RBFOX1: variants seen among roughly 807,000 people sequenced by gnomAD.
The protein encoded by RBFOX1 is RNA binding fox-1 homolog 1, also known as RNA binding protein fox-1 homolog 1.
In RBFOX1, 8 loss-of-function variants were observed where a neutral mutation model predicts 57.7. That is an observed-to-expected ratio of 0.14 (90% CI 0.08 to 0.25). RBFOX1 has a LOEUF of 0.25. RBFOX1 is among the 10% of genes least tolerant of loss of function. The pLI is 1.00. For missense variants in RBFOX1, 611 were observed against 548.5 expected (o/e 1.11, Z -1.14); for synonymous variants, 326 against 222.4 (o/e 1.47, Z -4.15).
intron 4 of RBFOX1, among the ~76,000 whole-genome samples, chr16:7,282,972 G>T (rs2095576848): frequency 6.6e-6 from 1 of 152,184 alleles, no homozygotes; most frequent in Non-Finnish European, 1.5e-5. Flanking sequence ...CTGTGTGTGT[G>T]TATCTCACAG....
chr16:6,668,884 C>G (rs1362759836), intron 3 of RBFOX1, among the ~76,000 whole-genome samples: 1 of 152,172 alleles, frequency 6.6e-6, no homozygotes, highest in African/African-American at 2.4e-5. Context: ...TTAGGAAATG[C>G]TTAATCAAGC....
intron 4 of RBFOX1, among the ~76,000 whole-genome samples, chr16:7,294,846 G>A (rs1005447145): frequency 6.6e-6 from 1 of 152,100 alleles, no homozygotes; most frequent in Non-Finnish European, 1.5e-5. Context: ...TGTTTGTATT[G>A]CATGGTTAAA....
At chr16:5,673,537 G>A (rs972136548) in intron 3 of RBFOX1, among the ~76,000 whole-genome samples, 2 of 152,164 alleles carry the variant, frequency 1.3e-5, no homozygotes, top group African/African-American at 2.4e-5. Context: ...AAAGGTTGAC[G>A]TCAGTGTCAC....
chr16:5,468,999 C>G lies in RBFOX1; in HGVS notation c.258+1745C>G, dbSNP rs8056334. ...CCCTTGCTCTTGGTAGGTGTCTGCC[C>G]GTGCTGTGGTCACCCTGAACCACTC... is the stretch of plus-strand genomic sequence containing the variant. On this transcript the variant is annotated intron_variant, in intron 2 of 2. Transcript: ENST00000585867. 4.2e-3 allele frequency among the ~76,000 whole-genome samples: 633 copies of G among 152,204 alleles called. 29 individuals carry two copies. The East Asian group carries it at 0.088, about 21-fold the overall frequency.
chr16:6,933,068 A>G (rs375631830), intron 3 of RBFOX1, among the ~76,000 whole-genome samples: 1 of 152,216 alleles, frequency 6.6e-6, no homozygotes. Context: ...CACATTTGAC[A>G]AGATTTCTTC....
chr16:6,204,735 T>C (rs970090208), intron 1 of RBFOX1, among the ~76,000 whole-genome samples: 8 of 152,168 alleles, frequency 5.3e-5, no homozygotes, highest in African/African-American at 1.9e-4. Flanking sequence ...GGTTGATTTC[T>C]TTATAATGTT....
intron 14 of RBFOX1, among the ~76,000 whole-genome samples, chr16:7,705,311 C>T (rs151224905): frequency 2.1e-3 from 320 of 152,106 alleles, no homozygotes; most frequent in African/African-American, 6.9e-3. Context: ...TCAAAACCAT[C>T]GTGGCTAACA....
At chr16:6,937,378 T>C (rs1042358633) in intron 3 of RBFOX1, among the ~76,000 whole-genome samples, 1 of 152,164 alleles carries the variant, frequency 6.6e-6, no homozygotes, top group African/African-American at 2.4e-5. Flanking sequence ...GTTGGTATTT[T>C]AGGAAAGTCT....
chr16:5,239,919 T>G (rs1453398344), exon 1 of RBFOX1: 2 of 1,513,730 alleles, frequency 1.3e-6, no homozygotes, highest in African/African-American at 2.8e-5. Context: ...CCGAAGCCAC[T>G]GGCAAGCCCC....
intron 2 of RBFOX1, among the ~76,000 whole-genome samples, chr16:5,598,355 C>T (rs1048782469): frequency 6.6e-6 from 1 of 152,122 alleles, no homozygotes; most frequent in South Asian, 2.1e-4. Context: ...GGAGTCCACA[C>T]TGAGAAACAT....
At chr16:5,746,549 T>C (rs181960025) in intron 3 of RBFOX1, among the ~76,000 whole-genome samples, 48 of 152,350 alleles carry the variant, frequency 3.2e-4, no homozygotes, top group Middle Eastern at 3.4e-3. Context: ...ATCTTCACGA[T>C]ATTGGTTCTT....
chr16:6,568,106 C>A lies in RBFOX1; in HGVS notation c.-63-86497C>A, dbSNP rs578029086. 7.2e-5 allele frequency among the ~76,000 whole-genome samples: 11 copies of A among 152,296 alleles called. No homozygotes were observed. In the East Asian group the frequency reaches 2.1e-3, roughly 29 times the overall value. On this transcript the variant is annotated intron_variant, in intron 2 of 15. Coordinates refer to ENST00000550418, the MANE Select transcript of RBFOX1 (RefSeq NM_018723.4). ...GACAGTGCAGCTTTACGGGTAATGA[C>A]ATGTATTAGTTATCTAATACCATGT...
At chr16:7,158,596 T>C (rs750228415) in intron 4 of RBFOX1, among the ~76,000 whole-genome samples, 1 of 152,068 alleles carries the variant, frequency 6.6e-6, no homozygotes, top group Non-Finnish European at 1.5e-5. Context: ...TGTGCCTGTG[T>C]CCTGTGACCA....
intron 3 of RBFOX1, among the ~76,000 whole-genome samples, chr16:6,817,513 G>C (rs2090340637): frequency 1.4e-5 from 2 of 147,620 alleles, no homozygotes; most frequent in Non-Finnish European, 3.0e-5. Context: ...GGCCAGCATG[G>C]TGAAACCCTT....
At chr16:7,588,547 A>G (rs1014090046) in intron 7 of RBFOX1, among the ~76,000 whole-genome samples, 4 of 152,170 alleles carry the variant, frequency 2.6e-5, no homozygotes, top group Non-Finnish European at 4.4e-5. Context: ...TCCCCAGGCT[A>G]TTAGGAATTT....
chr16:7,120,163 A>G (rs1000828773), intron 4 of RBFOX1, among the ~76,000 whole-genome samples: 3 of 152,092 alleles, frequency 2.0e-5, no homozygotes, highest in African/African-American at 7.2e-5. Context: ...CATTTTACAA[A>G]ATATATGGTG....
intron 2 of RBFOX1, among the ~76,000 whole-genome samples, chr16:5,571,525 C>G (rs1040421340): frequency 6.6e-6 from 1 of 152,160 alleles, no homozygotes. Flanking sequence ...CAGCATTCCA[C>G]TGAAGGCTGT....
chr16:7,186,350 A>G (rs8182140), intron 4 of RBFOX1, among the ~76,000 whole-genome samples: 134 of 50,498 alleles, frequency 2.7e-3, no homozygotes, highest in African/African-American at 8.2e-3. Context: ...ATAAATATAA[A>G]CATAAACATA....
intron 1 of RBFOX1, among the ~76,000 whole-genome samples, chr16:5,462,724 C>T (rs1946060249): frequency 6.6e-6 from 1 of 152,096 alleles, no homozygotes; most frequent in South Asian, 2.1e-4. Context: ...TTGGTGTCTC[C>T]ACACTAAGGG....
Sources: gnomAD v4.1 joint callset for allele counts (sites outside exome capture counted in the v4.1 genomes callset) on GRCh38, gnomAD v4.1.1 for gene constraint, MANE v1.5 for transcripts, NCBI Gene and HGNC (gene_info 2026-07-23, HGNC 2026-07-21) for gene names.